SLC9C2: variants seen among roughly 807,000 people sequenced by gnomAD.
The protein encoded by SLC9C2 is sodium/hydrogen exchanger 11.
In SLC9C2, 75 loss-of-function variants were observed where a neutral mutation model predicts 140.2. That is an observed-to-expected ratio of 0.53 (90% CI 0.44 to 0.65). SLC9C2 has a LOEUF of 0.65. Among genes scored for constraint, SLC9C2 ranks in the 30% least tolerant of loss-of-function variants. SLC9C2 has a pLI of 0.00. For synonymous variants in SLC9C2, 375 were observed against 420.9 expected (o/e 0.89, Z 1.34); for missense variants, 1,074 against 1,331.8 (o/e 0.81, Z 3.01).
At chr1:173,564,123 G>A (rs931995961) in intron 9 of SLC9C2, among the ~76,000 whole-genome samples, 42 of 152,104 alleles carry the variant, frequency 2.8e-4, no homozygotes, top group African/African-American at 8.7e-4. Flanking sequence ...CACTTAGGTC[G>A]CTTCCAAATC....
chr1:173,523,530 C>T (rs1223303994), intron 21 of SLC9C2, among the ~76,000 whole-genome samples: 1 of 152,186 alleles, frequency 6.6e-6, no homozygotes, highest in Non-Finnish European at 1.5e-5. Context: ...CTGTGGCAAC[C>T]GTCAGCTGAC....
At chr1:173,555,030 A>G (rs1483130992) in intron 10 of SLC9C2, among the ~76,000 whole-genome samples, 1 of 152,240 alleles carries the variant, frequency 6.6e-6, no homozygotes, top group East Asian at 1.9e-4. Context: ...AATCTGAATG[A>G]GGAAAACAGT....
chr1:173,535,833 G>A lies in SLC9C2; in HGVS notation c.1772C>T (p.Pro591Leu). ...YCIEKIHFIP[P>L]ESNTFLTFIF... The stretch of plus-strand genomic sequence containing the variant: ...ATTAAAGGTTCACAATACTTACTCA[G>A]GTGGAATAAAATGTATCTTTTCTAT... Residue 591 changes from proline (P) to leucine (L), a missense_variant, in exon 15 of 28, where the codon CCT becomes CTT. By Grantham distance (98) the Pro-to-Leu change is moderately conservative. Coordinates refer to ENST00000367714, the MANE Select transcript of SLC9C2 (RefSeq NM_178527.4). 6.6e-7 allele frequency: 1 copy of A among 1,505,276 alleles called. No individual in the cohort carries two copies. The highest frequency in any genetic ancestry group is 9.0e-7 in the Non-Finnish European group (1 of 1,116,638). 93.2% of individuals were successfully genotyped at this position (1,505,276 alleles called of 1,614,324 possible).
chr1:173,602,447 A>AC (rs1383462032), intron 1 of SLC9C2, among the ~76,000 whole-genome samples: 2 of 152,202 alleles, frequency 1.3e-5, no homozygotes, highest in African/African-American at 4.8e-5. Context: ...AGGGTGAATA[A>AC]CCTGAAAATA....
chr1:173,536,796 G>T (rs1003403932), intron 14 of SLC9C2, 146 bp downstream of exon 14: 4 of 610,514 alleles, frequency 6.6e-6, no homozygotes, highest in Non-Finnish European at 1.1e-5. Flanking sequence ...TGGAAGGACA[G>T]ACAGATGGAC....
intron 9 of SLC9C2, among the ~76,000 whole-genome samples, chr1:173,559,673 G>A (rs544480950): frequency 1.3e-5 from 2 of 152,268 alleles, no homozygotes; most frequent in African/African-American, 4.8e-5. Flanking sequence ...TCACCACAGA[G>A]GAGGAAAGAA....
intron 23 of SLC9C2, among the ~76,000 whole-genome samples, chr1:173,513,861 C>T (rs1382405879): frequency 1.3e-5 from 2 of 152,164 alleles, no homozygotes; most frequent in African/African-American, 4.8e-5. Context: ...TCTCTTTGTT[C>T]TCATTGGTTT....
chr1:173,554,873 A>G, intron 10 of SLC9C2, 59 bp from the exon 11 acceptor site: 2 of 1,026,886 alleles, frequency 1.9e-6, no homozygotes, highest in Non-Finnish European at 3.0e-6. Context: ...CTCCAAAAGC[A>G]ATCATTGTTC....
Position 173,576,768 on chromosome 1 carries a change from GAA to G in SLC9C2, c.803-10_803-9del. 9 of 1,373,706 alleles carry G rather than the reference GAA, an allele frequency of 6.6e-6. No homozygotes were observed. Among genetic ancestry groups the G allele is most frequent in the Non-Finnish European group, 7.9e-6 (8 of 1,010,912 alleles). The allele number at this position is 1,373,706 out of a possible 1,614,324, so 85.1% of individuals were successfully genotyped here. ...ACATTCCTAAAAATTCCACTGGGGA[GAA>G]AAAAAAAACAAATGAATCAAATGCA... On this transcript the variant is annotated splice_polypyrimidine_tract_variant and intron_variant, in intron 7 of 27. Transcript: ENST00000367714.
chr1:173,571,882 T>C (rs920274822), intron 9 of SLC9C2, among the ~76,000 whole-genome samples: 5 of 152,346 alleles, frequency 3.3e-5, no homozygotes, highest in Middle Eastern at 3.4e-3. Flanking sequence ...CTTTCATTAT[T>C]CTGAAGCTTC....
intron 23 of SLC9C2, among the ~76,000 whole-genome samples, chr1:173,510,331 T>C (rs897544975): frequency 6.6e-6 from 1 of 152,222 alleles, no homozygotes; most frequent in African/African-American, 2.4e-5. Flanking sequence ...AATTATTTCA[T>C]TGTACTTTAA....
intron 9 of SLC9C2, among the ~76,000 whole-genome samples, chr1:173,558,318 T>G (rs1041844414): frequency 1.3e-5 from 2 of 152,214 alleles, no homozygotes; most frequent in Non-Finnish European, 2.9e-5. Flanking sequence ...CATTCAAGCC[T>G]TTTGCAACGT....
At chr1:173,547,296 C>T (rs905238653) in intron 13 of SLC9C2, among the ~76,000 whole-genome samples, 7 of 151,742 alleles carry the variant, frequency 4.6e-5, no homozygotes, top group African/African-American at 1.5e-4. Flanking sequence ...TATATTTTAG[C>T]TTATTATATC....
intron 13 of SLC9C2, among the ~76,000 whole-genome samples, chr1:173,546,525 G>A (rs773353022): frequency 6.6e-6 from 1 of 152,168 alleles, no homozygotes; most frequent in African/African-American, 2.4e-5. Context: ...AGGTTGCAGT[G>A]AGTCAAGATC....
Position 173,564,972 on chromosome 1 carries a change from T to C in SLC9C2, c.1047-7464A>G, listed in dbSNP as rs1478164426. 6.9e-5 allele frequency among the ~76,000 whole-genome samples: 10 copies of C among 144,574 alleles called. 1 individual carries two copies. Among genetic ancestry groups the C allele is most frequent in the Non-Finnish European group, 9.1e-5 (6 of 65,846 alleles). The allele number at this position is 144,574 out of a possible 152,430, so 94.8% of individuals were successfully genotyped here. On this transcript the variant is annotated intron_variant, in intron 9 of 27. Coordinates refer to ENST00000367714, the MANE Select transcript of SLC9C2 (RefSeq NM_178527.4). ...CTTTTTTCTTTTTTTCTTTTTCTTT[T>C]TTTTTTTTTTTTTGAGACAAAGTCT... is the stretch of plus-strand genomic sequence containing the variant.
At chr1:173,580,443 C>A (rs1457484310) in intron 7 of SLC9C2, among the ~76,000 whole-genome samples, 3 of 152,136 alleles carry the variant, frequency 2.0e-5, no homozygotes, top group Non-Finnish European at 4.4e-5. Context: ...CCTCTGCCTC[C>A]CGGGTACAAG....
At chr1:173,576,606 G>T in intron 8 of SLC9C2, 55 bp downstream of exon 8, 1 of 1,086,006 alleles carries the variant, frequency 9.2e-7, no homozygotes, top group Non-Finnish European at 1.4e-6. Context: ...AAGGCGAGAC[G>T]CCTTATGCAC....
intron 11 of SLC9C2, among the ~76,000 whole-genome samples, chr1:173,550,336 C>G (rs893165247): frequency 2.0e-5 from 3 of 152,002 alleles, no homozygotes; most frequent in Non-Finnish European, 4.4e-5. Context: ...TCCAGGAGGT[C>G]AAGGCTGCAG....
At chr1:173,598,355 G>T (rs1173916873) in intron 3 of SLC9C2, among the ~76,000 whole-genome samples, 1 of 152,170 alleles carries the variant, frequency 6.6e-6, no homozygotes, top group Non-Finnish European at 1.5e-5. Flanking sequence ...TGATTCACAG[G>T]TAAGTATTTT....
Sources: allele counts gnomAD v4.1 joint callset (sites outside exome capture counted in the v4.1 genomes callset), GRCh38; gene constraint gnomAD v4.1.1; transcripts MANE v1.5; gene names NCBI Gene and HGNC (gene_info 2026-07-23, HGNC 2026-07-21).